Variants in PTPRT observed in about 807,000 individuals in gnomAD.
The protein encoded by PTPRT is receptor-type tyrosine-protein phosphatase T.
PTPRT carries 56 observed loss-of-function variants against 176.8 expected under a neutral mutation model. That is an observed-to-expected ratio of 0.32 (90% CI 0.26 to 0.40). The LOEUF (loss-of-function observed/expected upper bound fraction) is 0.40. Ranked by LOEUF, PTPRT falls within the 10% of genes least tolerant of loss-of-function variation. The probability of loss-of-function intolerance (pLI) is 1.00; values close to 1 mark genes in which losing one functional copy is unlikely to be tolerated. For synonymous variants in PTPRT, 783 were observed against 739.0 expected, an observed-to-expected ratio of 1.06 and a Z score of -0.96; for missense variants, 1,540 against 1,908.2, an observed-to-expected ratio of 0.81 and a Z score of 3.60.
chr20:42,326,055 A>G (rs1166875773), intron 11 of PTPRT, among the ~76,000 whole-genome samples: 1 of 152,212 alleles, frequency 6.6e-6, no homozygotes, highest in Non-Finnish European at 1.5e-5. Context: ...TCCACAATAT[A>G]GCCAATTACA....
At chr20:42,185,814 T>C (rs146862962) in intron 16 of PTPRT, among the ~76,000 whole-genome samples, 56 of 152,290 alleles carry the variant, frequency 3.7e-4, no homozygotes, top group African/African-American at 1.3e-3. Context: ...CTGTGCCACA[T>C]GTTGAGGATA....
intron 2 of PTPRT, among the ~76,000 whole-genome samples, chr20:42,814,529 C>T (rs1463340924): frequency 6.6e-6 from 1 of 152,134 alleles, no homozygotes; most frequent in Non-Finnish European, 1.5e-5. Flanking sequence ...GCTGTTATTA[C>T]TCTGCAGTAA....
At chr20:42,668,633 T>A (rs1391426803) in intron 7 of PTPRT, among the ~76,000 whole-genome samples, 1 of 151,446 alleles carries the variant, frequency 6.6e-6, no homozygotes, top group African/African-American at 2.4e-5. Flanking sequence ...GGAGAGAGGG[T>A]CTGCAAGAAG....
intron 26 of PTPRT, among the ~76,000 whole-genome samples, chr20:42,099,474 C>T (rs964728727): frequency 2.1e-5 from 3 of 139,738 alleles, no homozygotes; most frequent in Admixed American, 8.3e-5. Context: ...AGTGCCACTC[C>T]AGTGAATAAA....
chr20:42,270,372 A>ACC, intron 13 of PTPRT: 66 of 759,626 alleles, frequency 8.7e-5, no homozygotes, highest in Non-Finnish European at 1.2e-4. Context: ...CTCCCCTCCC[A>ACC]CCCGCCCAGG....
chr20:42,369,621 A>C (rs1239169788), intron 9 of PTPRT, among the ~76,000 whole-genome samples: 2 of 152,202 alleles, frequency 1.3e-5, no homozygotes, highest in East Asian at 3.9e-4. Flanking sequence ...GTCCCATTGC[A>C]GGCTGAAGAA....
intron 6 of PTPRT, among the ~76,000 whole-genome samples, chr20:42,706,612 C>A (rs2076064022): frequency 6.6e-6 from 1 of 152,088 alleles, no homozygotes; most frequent in African/African-American, 2.4e-5. Flanking sequence ...TTAGTTTCTT[C>A]TTTCTTCATT....
chr20:42,101,765 C>T (rs1302118890), intron 26 of PTPRT, among the ~76,000 whole-genome samples: 4 of 152,216 alleles, frequency 2.6e-5, no homozygotes, highest in Non-Finnish European at 5.9e-5. Context: ...CACGCTCAGG[C>T]CAAGGCCCAG....
intron 9 of PTPRT, among the ~76,000 whole-genome samples, chr20:42,440,005 C>T (rs2059297836): frequency 6.6e-6 from 1 of 152,150 alleles, no homozygotes; most frequent in Non-Finnish European, 1.5e-5. Flanking sequence ...CTCCTGAGTT[C>T]AAGCGATTCT....
chr20:42,190,378 G>A (rs929699698), intron 16 of PTPRT, among the ~76,000 whole-genome samples: 18 of 152,130 alleles, frequency 1.2e-4, no homozygotes, highest in African/African-American at 4.3e-4. Context: ...CAGATTCGGG[G>A]ACCCTCATAA....
At chr20:42,071,644 G>GTTTTATTTTA (rs532857392), downstream of PTPRT, among the ~76,000 whole-genome samples, 3 of 152,194 alleles carry the variant, frequency 2.0e-5, no homozygotes, top group East Asian at 3.9e-4. Flanking sequence ...GCTCAGCAGT[G>GTTTTATTTTA]TTTTATTTTA....
chr20:42,793,123 G>A (rs1444972423), intron 2 of PTPRT, among the ~76,000 whole-genome samples: 1 of 152,082 alleles, frequency 6.6e-6, no homozygotes, highest in Admixed American at 6.6e-5. Flanking sequence ...AGGTAGCCAG[G>A]TGAAAAGCAC....
chr20:42,749,825 A>G (rs1237369694), intron 6 of PTPRT, among the ~76,000 whole-genome samples: 1 of 152,212 alleles, frequency 6.6e-6, no homozygotes, highest in African/African-American at 2.4e-5. Context: ...TCTTTAAACT[A>G]GAGGCTATAA....
intron 7 of PTPRT, among the ~76,000 whole-genome samples, chr20:42,624,868 C>T (rs1600492888): frequency 6.6e-6 from 1 of 152,034 alleles, no homozygotes; most frequent in Non-Finnish European, 1.5e-5. Flanking sequence ...CGTAAAAAGT[C>T]AGGACTAGCA....
At chr20:43,120,357 C>T (rs1025634283) in intron 1 of PTPRT, among the ~76,000 whole-genome samples, 6 of 151,886 alleles carry the variant, frequency 4.0e-5, no homozygotes, top group East Asian at 3.9e-4. Flanking sequence ...CTGCAAGCTC[C>T]GCCTCCCGGG....
chr20:42,086,747 A>ATATATAT (rs59722053), intron 27 of PTPRT, among the ~76,000 whole-genome samples: 1 of 58,760 alleles, frequency 1.7e-5, no homozygotes, highest in African/African-American at 7.7e-5. Context: ...AAAAAAAAAA[A>ATATATAT]AAAAAAATAT....
chr20:42,039,430 C>G, the PTPRT span, among the ~76,000 whole-genome samples: 1 of 151,974 alleles, frequency 6.6e-6, no homozygotes, highest in Admixed American at 6.6e-5. Context: ...CTTGCACTTA[C>G]TCCTCCTATG....
At chr20:42,061,572 A>C in the PTPRT span, among the ~76,000 whole-genome samples, 1 of 152,086 alleles carries the variant, frequency 6.6e-6, no homozygotes. Context: ...ATCACTTCTT[A>C]TTCTTTTATG....
rs868430956 is a variant in PTPRT, at chr20:42,641,149, G to A, written c.1153+36717C>T. The stretch of plus-strand genomic sequence containing the variant: ...TTGCCCTGCATATAGCATTTTCCTA[G>A]GTTTGAATTAATTCTTTAGGATAAT... On this transcript the variant is annotated intron_variant, in intron 7 of 30. Coordinates refer to ENST00000373187, the MANE Select transcript of PTPRT (RefSeq NM_007050.6). Among the ~76,000 whole-genome samples, 3 of 152,110 alleles carry A rather than the reference G, an allele frequency of 2.0e-5. No homozygotes were observed. In the South Asian group the frequency reaches 6.2e-4, roughly 32 times the overall value.
Sources: allele counts gnomAD v4.1 joint callset (sites outside exome capture counted in the v4.1 genomes callset), GRCh38; gene constraint gnomAD v4.1.1; transcripts MANE v1.5; gene names NCBI Gene and HGNC (gene_info 2026-07-23, HGNC 2026-07-21).